The following PLG variants were observed in gnomAD, a reference collection of about 807,000 sequenced individuals.
PLG encodes plasmin.
In PLG, 41 loss-of-function variants were observed where a neutral mutation model predicts 104.4. That is an observed-to-expected ratio of 0.39 (90% confidence interval 0.31 to 0.51). The LOEUF (loss-of-function observed/expected upper bound fraction) is 0.51. PLG is among the 20% of genes least tolerant of loss of function. The probability of loss-of-function intolerance (pLI) is 0.76; values close to 1 mark genes in which losing one functional copy is unlikely to be tolerated. For synonymous variants in PLG, 337 were observed against 357.1 expected (o/e 0.94, Z 0.63); for missense variants, 891 against 1,003.6 (o/e 0.89, Z 1.52).
At position 160,726,411 on chromosome 6, in the gene PLG, C is replaced by T. The variant is rs774476973; in HGVS notation, c.1256+3844C>T. Among the ~76,000 whole-genome samples, 2 of 151,858 alleles carry T rather than the reference C, an allele frequency of 1.3e-5. No homozygotes were observed. Among genetic ancestry groups the T allele is most frequent in the Admixed American group, 6.6e-5 (1 of 15,252 alleles). On this transcript the variant is annotated intron_variant, in intron 10 of 18. Transcript: ENST00000308192. The surrounding 1 kb of genome is among the most constrained non-coding windows in gnomAD (Gnocchi z 4.4). Reference sequence around the variant, plus strand: ...AGTAAAAATACAACATATCAAAGTTCGTATGATGCAGCGAATGTTTTTAGG... The same window carrying T: ...AGTAAAAATACAACATATCAAAGTTTGTATGATGCAGCGAATGTTTTTAGG...
In PLG at chr6:160,739,417, C is replaced by T. The variant is rs1484684854; in HGVS notation, c.2018+209C>T. ...GAGAAAGGCAGCAGGACTCCGTTTT[C>T]TCATGTGGAAAAAGAGTTGAAATGA... On this transcript the variant is annotated intron_variant, in intron 16 of 18. Coordinates refer to ENST00000308192, the MANE Select transcript of PLG (RefSeq NM_000301.5). This position sits in a 1 kb window ranked among gnomAD's most constrained non-coding sequence, Gnocchi z 4.4. Among the ~76,000 whole-genome samples the T allele has an allele frequency of 1.3e-5, 2 of 152,104 alleles. No homozygotes were observed. Among genetic ancestry groups the T allele is most frequent in the Admixed American group, 1.3e-4 (2 of 15,278 alleles).
chr6:160,715,566 C>T (rs1006743646), intron 6 of PLG, among the ~76,000 whole-genome samples: 7 of 152,204 alleles, frequency 4.6e-5, no homozygotes, highest in African/African-American at 1.4e-4. Context: ...TTCTATTTCA[C>T]ATTAATTGTG....
rs1489213406 is a variant in PLG at position 160,741,327 on chromosome 6, G to A, written c.2035G>A (p.Asp679Asn). The change falls in exon 17 of 19, where the codon GAC becomes AAC. Residue 679 changes from aspartate (D) to asparagine (N), a missense_variant. Physicochemically the swap from Asp to Asn is conservative, Grantham distance 23. Transcript: ENST00000308192. The surrounding 1 kb of genome is among the most constrained non-coding windows in gnomAD (Gnocchi z 4.7). ...TTCTTTCAGTCCTGCCGTCATCACT[G>A]ACAAAGTAATCCCAGCTTGTCTGCC... ...LKLSSPAVIT[D>N]KVIPACLPSP... is the part of the protein sequence containing the mutation. The A allele has an allele frequency of 1.2e-6, 2 of 1,608,316 alleles. No individual in the cohort carries two copies. The highest frequency in any genetic ancestry group is 1.3e-5 in the African/African-American group (1 of 74,868).
chr6:160,741,908 T>C lies in PLG; in HGVS notation c.2125+491T>C, dbSNP rs1471643806. 6.6e-6 allele frequency among the ~76,000 whole-genome samples: 1 copy of C among 152,114 alleles called. No individual in the cohort carries two copies. The highest frequency in any genetic ancestry group is 1.5e-5 in the Non-Finnish European group (1 of 68,014). ...GCTCCCACTTATAACTGTGAACATGTGGTATTTGGTTTTCTGTTCCTGTGT... is the reference window on the plus strand; with the variant it reads ...GCTCCCACTTATAACTGTGAACATGCGGTATTTGGTTTTCTGTTCCTGTGT... On this transcript the variant is annotated intron_variant, in intron 17 of 18. Coordinates refer to ENST00000308192, the MANE Select transcript of PLG (RefSeq NM_000301.5). The surrounding 1 kb of genome is among the most constrained non-coding windows in gnomAD (Gnocchi z 4.7).
At chr6:160,709,350 C>T (rs761139548) in intron 3 of PLG, among the ~76,000 whole-genome samples, 13 of 152,164 alleles carry the variant, frequency 8.5e-5, no homozygotes, top group Non-Finnish European at 1.6e-4. Context: ...GTCCAAGACC[C>T]TATCACCACT....
chr6:160,736,748 T>G lies in PLG; in HGVS notation c.1682-139T>G, dbSNP rs1254812209. 7.3e-6 allele frequency: 8 copies of G among 1,091,592 alleles called. No individual in the cohort carries two copies. Among genetic ancestry groups the G allele is most frequent in the Non-Finnish European group, 1.1e-5 (8 of 736,716 alleles). 67.6% of individuals were successfully genotyped at this position (1,091,592 alleles called of 1,614,324 possible). On this transcript the variant is annotated intron_variant, in intron 13 of 18. Coordinates refer to ENST00000308192, the MANE Select transcript of PLG (RefSeq NM_000301.5). The surrounding 1 kb of genome is among the most constrained non-coding windows in gnomAD (Gnocchi z 5.2). ...TACCACTTTTGAAACTTAGAGAAAA[T>G]GTTCCAAAAGATGATGATTTTACTA... is the stretch of plus-strand genomic sequence containing the variant.
rs1777797218 is a variant in PLG, at chr6:160,719,595, T to A, written c.1096+757T>A. Among the ~76,000 whole-genome samples the A allele has an allele frequency of 6.6e-6, 1 of 152,216 alleles. No individual in the cohort carries two copies. The highest frequency in any genetic ancestry group is 2.4e-5 in the African/African-American group (1 of 41,466). On this transcript the variant is annotated intron_variant, in intron 9 of 18. Coordinates refer to ENST00000308192, the MANE Select transcript of PLG (RefSeq NM_000301.5). This position sits in a 1 kb window ranked among gnomAD's most constrained non-coding sequence, Gnocchi z 4.1. ...TTGTCCCATTTAAACTTTGTTCCTTTTTTCATCTTTTTCTGCCTTCATTTA... is the reference window on the plus strand; with the variant it reads ...TTGTCCCATTTAAACTTTGTTCCTTATTTCATCTTTTTCTGCCTTCATTTA...
chr6:160,707,614 T>G (rs1446193459), intron 2 of PLG, 86 bp from the exon 3 acceptor site: 1 of 1,347,366 alleles, frequency 7.4e-7, no homozygotes, highest in East Asian at 2.3e-5. Context: ...TATTCAATGA[T>G]CTTTAGCATG....
In PLG at chr6:160,738,457, AC is replaced by A; in HGVS notation, c.1803-80del. On this transcript the variant is annotated intron_variant, in intron 14 of 18. Coordinates refer to ENST00000308192, the MANE Select transcript of PLG (RefSeq NM_000301.5). The surrounding 1 kb of genome is among the most constrained non-coding windows in gnomAD (Gnocchi z 6.8). ...TATGAACATGGTCAAAATTAAGTGAACGTGTCTTTCTGGCTTTCTGTACAAT... is the reference window on the plus strand; with the variant it reads ...TATGAACATGGTCAAAATTAAGTGAAGTGTCTTTCTGGCTTTCTGTACAAT... 6 of 875,722 alleles carry A rather than the reference AC, an allele frequency of 6.9e-6. No individual in the cohort carries two copies. In the Middle Eastern group the frequency reaches 6.4e-4, roughly 94 times the overall value. 54.2% of individuals were successfully genotyped at this position (875,722 alleles called of 1,614,324 possible). A position where few individuals can be genotyped will look rare whatever the true frequency, so the allele number is the denominator to read the frequency against.
chr6:160,722,439 C>G lies in PLG; in HGVS notation c.1128C>G (p.Asp376Glu), dbSNP rs747572282. The change falls in exon 10 of 19, where the codon GAC becomes GAG. Residue 376 changes from aspartate (D) to glutamate (E), a missense_variant. Coordinates refer to ENST00000308192, the MANE Select transcript of PLG (RefSeq NM_000301.5). The part of the protein sequence containing the change: ...APPELTPVVQ[D>E]CYHGDGQSYR... Reference sequence around the variant, plus strand: ...CTGAGCTAACCCCTGTGGTCCAGGACTGCTACCATGGTGATGGACAGAGCT... The same window carrying G: ...CTGAGCTAACCCCTGTGGTCCAGGAGTGCTACCATGGTGATGGACAGAGCT... The G allele has an allele frequency of 1.2e-6, 2 of 1,612,802 alleles. No individual in the cohort carries two copies. The highest frequency in any genetic ancestry group is 2.2e-5 in the South Asian group (2 of 91,056).
chr6:160,731,634 A>G lies in PLG; in HGVS notation c.1439-111A>G. On this transcript the variant is annotated intron_variant, in intron 11 of 18. Coordinates refer to ENST00000308192, the MANE Select transcript of PLG (RefSeq NM_000301.5). The surrounding 1 kb of genome is among the most constrained non-coding windows in gnomAD (Gnocchi z 5.1). The stretch of plus-strand genomic sequence containing the variant: ...GTCTTCAGCATTGCAGTTTCTGAGG[A>G]ATGTGGCCCCTGATTCTGTCATCCT... 1 of 1,019,158 alleles carries G rather than the reference A, an allele frequency of 9.8e-7. No individual in the cohort carries two copies. 63.1% of individuals were successfully genotyped at this position (1,019,158 alleles called of 1,614,324 possible).
intron 10 of PLG, 127 bp downstream of exon 10, chr6:160,722,694 A>G: frequency 1.2e-6 from 1 of 817,022 alleles, no homozygotes; most frequent in Non-Finnish European, 2.1e-6. Context: ...ATGTGTAGAA[A>G]AATGTCTCAA....
At chr6:160,748,674 C>A (rs1393726481) in intron 17 of PLG, among the ~76,000 whole-genome samples, 1 of 152,120 alleles carries the variant, frequency 6.6e-6, no homozygotes, top group African/African-American at 2.4e-5. Flanking sequence ...ACAGAAAATG[C>A]AACTTAAGTT....
chr6:160,721,938 G>A (rs976295398), intron 9 of PLG, among the ~76,000 whole-genome samples: 6 of 152,170 alleles, frequency 3.9e-5, no homozygotes, highest in African/African-American at 1.4e-4. Flanking sequence ...ATCTTTGCCT[G>A]CAGTCCTAGA....
intron 17 of PLG, among the ~76,000 whole-genome samples, chr6:160,743,825 A>T (rs1009194194): frequency 6.6e-6 from 1 of 152,060 alleles, no homozygotes; most frequent in Non-Finnish European, 1.5e-5. Context: ...TTATTTTGAG[A>T]TATATTCCTT....
At position 160,719,982 on chromosome 6, in the gene PLG, A is replaced by G. The variant is rs372051483; in HGVS notation, c.1096+1144A>G. On this transcript the variant is annotated intron_variant, in intron 9 of 18. Transcript: ENST00000308192. The surrounding 1 kb of genome is among the most constrained non-coding windows in gnomAD (Gnocchi z 4.1). ...TTCTCATCTACTGGGGTAGATCTCA[A>G]TTTCCATCTGGTGTCAGTTTCTTTC... 2.0e-5 allele frequency among the ~76,000 whole-genome samples: 3 copies of G among 147,476 alleles called. No homozygotes were observed. Among genetic ancestry groups the G allele is most frequent in the Admixed American group, 6.7e-5 (1 of 14,906 alleles).
chr6:160,702,469 A>T, intron 1 of PLG, 116 bp downstream of exon 1: 1 of 1,332,862 alleles, frequency 7.5e-7, no homozygotes, highest in Non-Finnish European at 1.0e-6. Context: ...TGAAACTTCC[A>T]GTTGAAAATC....
chr6:160,702,536 T>C (rs961786196), intron 1 of PLG, among the ~76,000 whole-genome samples, 183 bp downstream of exon 1: 1 of 152,206 alleles, frequency 6.6e-6, no homozygotes, highest in African/African-American at 2.4e-5. Context: ...GTGAAGATTG[T>C]CAGGGTGCTG....
At position 160,726,295 on chromosome 6, in the gene PLG, G is replaced by A. The variant is rs1050234372; in HGVS notation, c.1256+3728G>A. Among the ~76,000 whole-genome samples the A allele has an allele frequency of 3.3e-5, 5 of 151,890 alleles. No homozygotes were observed. Among genetic ancestry groups the A allele is most frequent in the African/African-American group, 1.2e-4 (5 of 41,384 alleles). On this transcript the variant is annotated intron_variant, in intron 10 of 18. Coordinates refer to ENST00000308192, the MANE Select transcript of PLG (RefSeq NM_000301.5). This position sits in a 1 kb window ranked among gnomAD's most constrained non-coding sequence, Gnocchi z 4.4. Reference sequence around the variant, plus strand: ...GAGATATAAATAACAAAAAAATTGGGAAATTATCAAATATCTGAAAATGAA... The same window carrying A: ...GAGATATAAATAACAAAAAAATTGGAAAATTATCAAATATCTGAAAATGAA...
Sources: gnomAD v4.1 joint callset for allele counts (sites outside exome capture counted in the v4.1 genomes callset) on GRCh38, gnomAD v4.1.1 for gene constraint, Gnocchi (gnomAD v3.1) non-coding constraint, MANE v1.5 for transcripts, NCBI Gene and HGNC (gene_info 2026-07-23, HGNC 2026-07-21) for gene names.